MS4A7: variants seen among roughly 807,000 people sequenced by gnomAD.
The protein encoded by MS4A7 is membrane spanning 4-domains A7, also known as membrane-spanning 4-domains subfamily A member 7.
A neutral mutation model predicts 23.5 loss-of-function variants in MS4A7; 21 were observed. That is an observed-to-expected ratio of 0.89 (90% CI 0.63 to 1.29). The LOEUF (loss-of-function observed/expected upper bound fraction) is 1.29. MS4A7 is among the 50% of genes most tolerant of loss of function. The pLI is 0.00. For synonymous variants in MS4A7, 111 were observed against 107.4 expected (o/e 1.03, Z -0.21); for missense variants, 263 against 274.2 (o/e 0.96, Z 0.29).
chr11:60,385,679 C>G (rs1050071969), intron 3 of MS4A7, among the ~76,000 whole-genome samples: 2 of 152,132 alleles, frequency 1.3e-5, no homozygotes, highest in South Asian at 2.1e-4. Flanking sequence ...GGGTAAGATT[C>G]ATGGGAGGCA....
At chr11:60,390,836 C>A (rs924849820) in intron 5 of MS4A7, among the ~76,000 whole-genome samples, 1 of 152,008 alleles carries the variant, frequency 6.6e-6, no homozygotes, top group African/African-American at 2.4e-5. Context: ...CAGCAATTAC[C>A]TGAACAAAAG....
At chr11:60,380,382 A>T (rs2085416406) in intron 1 of MS4A7, among the ~76,000 whole-genome samples, 1 of 152,238 alleles carries the variant, frequency 6.6e-6, no homozygotes, top group African/African-American at 2.4e-5. Flanking sequence ...GGCAGTTGAA[A>T]GTTAAGGAGC....
intron 2 of MS4A7, among the ~76,000 whole-genome samples, chr11:60,384,887 A>G (rs920704547): frequency 5.9e-5 from 9 of 152,374 alleles, no homozygotes; most frequent in South Asian, 2.1e-4. Context: ...TTGCTGGTTT[A>G]ATAATCCTAT....
intron 3 of MS4A7, among the ~76,000 whole-genome samples, chr11:60,385,950 A>G (rs968161213): frequency 1.2e-4 from 19 of 152,220 alleles, no homozygotes; most frequent in African/African-American, 4.6e-4. Flanking sequence ...GTGAACACAA[A>G]CTGTGCAGTC....
Position 60,389,584 on chromosome 11 carries a change from T to A in MS4A7, c.534T>A (p.Ser178Arg), listed in dbSNP as rs751448392. Residue 178 changes from serine (S) to arginine (R), a missense_variant, in exon 5 of 7, where the codon AGT becomes AGA. Coordinates refer to ENST00000300184, the MANE Select transcript of MS4A7 (RefSeq NM_021201.5). ...AAATCAAAGATTGTCTCCTGACCAG[T>A]GTCAGTTTAACAGTGAGTAGTTTCA... Reference protein sequence around the residue: ...IYEIKDCLLTSVSLTGVLVVM... With the variant: ...IYEIKDCLLTRVSLTGVLVVM... The A allele has an allele frequency of 6.2e-7, 1 of 1,613,536 alleles. No homozygotes were observed. Among genetic ancestry groups the A allele is most frequent in the Non-Finnish European group, 8.5e-7 (1 of 1,179,608 alleles).
In MS4A7 at chr11:60,383,155, C is replaced by T; in HGVS notation, c.14C>T (p.Ser5Phe). The T allele has an allele frequency of 6.2e-7, 1 of 1,613,876 alleles. No individual in the cohort carries two copies. Among genetic ancestry groups the T allele is most frequent in the Non-Finnish European group, 8.5e-7 (1 of 1,179,876 alleles). ...ATCATCAGCATCATGCTATTACAAT[C>T]CCAAACCATGGGGGTTTCTCACAGC... is the stretch of plus-strand genomic sequence containing the variant. MLLQ[S>F]QTMGVSHSFT... Residue 5 changes from serine (S) to phenylalanine (F), a missense_variant, in exon 2 of 7, where the codon TCC (serine) becomes TTC (phenylalanine). Physicochemically the swap from Ser to Phe is radical, Grantham distance 155. Transcript: ENST00000300184.
intron 3 of MS4A7, chr11:60,386,397 C>T (rs2085487589): frequency 3.7e-6 from 1 of 273,660 alleles, no homozygotes; most frequent in African/African-American, 2.2e-5. Flanking sequence ...TCTCAACCTC[C>T]TCTCTTTCAA....
intron 2 of MS4A7, 92 bp downstream of exon 2, chr11:60,383,380 C>T (rs1055900044): frequency 6.9e-7 from 1 of 1,456,550 alleles, no homozygotes; most frequent in African/African-American, 1.4e-5. Flanking sequence ...GAAACTCTTT[C>T]ACTCTTTTCT....
chr11:60,384,458 T>G (rs1482500575), intron 2 of MS4A7, among the ~76,000 whole-genome samples: 1 of 152,238 alleles, frequency 6.6e-6, no homozygotes, highest in Non-Finnish European at 1.5e-5. Flanking sequence ...CATTCCCTCG[T>G]GCCTGGCACA....
chr11:60,388,592 G>A (rs2085515369), intron 4 of MS4A7, among the ~76,000 whole-genome samples: 1 of 152,196 alleles, frequency 6.6e-6, no homozygotes, highest in South Asian at 2.1e-4. Flanking sequence ...TCAGGATGTG[G>A]CTTTTCCCTA....
intron 2 of MS4A7, among the ~76,000 whole-genome samples, chr11:60,384,151 T>A (rs987472941): frequency 6.6e-6 from 1 of 152,216 alleles, no homozygotes; most frequent in African/African-American, 2.4e-5. Context: ...CTTTACAATC[T>A]ATTCTTAGTA....
chr11:60,385,205 T>C lies in MS4A7; in HGVS notation c.265T>C (p.Phe89Leu). The change falls in exon 3 of 7, where the codon TTT becomes CTT. Residue 89 changes from phenylalanine to leucine, a missense_variant. Transcript: ENST00000300184. ...ISTTLMSGYPFLGALCFGITG... is the reference protein window; with the variant it reads ...ISTTLMSGYPLLGALCFGITG... ...CACCACTTTGATGTCTGGGTACCCA[T>C]TTTTAGGAGCTCTGTGTGTGAGTAG... 1.9e-6 allele frequency: 3 copies of C among 1,614,122 alleles called. No homozygotes were observed. The highest frequency in any genetic ancestry group is 2.5e-6 in the Non-Finnish European group (3 of 1,179,990).
At chr11:60,393,464 C>T (rs2085575502) in intron 6 of MS4A7, among the ~76,000 whole-genome samples, 1 of 152,130 alleles carries the variant, frequency 6.6e-6, no homozygotes. Context: ...GTTTATGCTT[C>T]CCTGTGCTCT....
At chr11:60,393,697 C>A in intron 6 of MS4A7, 90 bp from the exon 7 acceptor site, 3 of 959,654 alleles carry the variant, frequency 3.1e-6, no homozygotes, top group East Asian at 5.3e-5. Context: ...ACTAGTACTA[C>A]ACAAAACTTG....
At chr11:60,384,940 A>G (rs543473075) in intron 2 of MS4A7, 148 bp from the exon 3 acceptor site, 5 of 629,168 alleles carry the variant, frequency 7.9e-6, no homozygotes, top group Non-Finnish European at 1.3e-5. Flanking sequence ...CTCTAGAAGC[A>G]TATCGATTGG....
At chr11:60,386,458 G>A (rs938622967) in intron 3 of MS4A7, 1 of 397,576 alleles carries the variant, frequency 2.5e-6, no homozygotes, top group Non-Finnish European at 4.5e-6. Context: ...CTTTTCTCCA[G>A]GCCTCCTCAG....
chr11:60,381,210 T>C (rs2085425369), intron 1 of MS4A7, among the ~76,000 whole-genome samples: 1 of 152,230 alleles, frequency 6.6e-6, no homozygotes, highest in Admixed American at 6.5e-5. Flanking sequence ...GCTTTAAAGA[T>C]GTGCTGGAAG....
At chr11:60,389,098 C>T in intron 4 of MS4A7, 1 of 333,034 alleles carries the variant, frequency 3.0e-6, no homozygotes, top group South Asian at 4.5e-5. Flanking sequence ...GTGACCTGAG[C>T]AGCACTGTCT....
intron 3 of MS4A7, 77 bp downstream of exon 3, chr11:60,385,299 A>C (rs890851453): frequency 6.5e-7 from 1 of 1,546,868 alleles, no homozygotes; most frequent in African/African-American, 1.4e-5. Context: ...AGTGACTCAG[A>C]CTCCAAGAGG....
Sources: gnomAD v4.1 joint callset for allele counts (sites outside exome capture counted in the v4.1 genomes callset) on GRCh38, gnomAD v4.1.1 for gene constraint, MANE v1.5 for transcripts, NCBI Gene and HGNC (gene_info 2026-07-23, HGNC 2026-07-21) for gene names.